Variants in PCBD2 observed in about 807,000 individuals in gnomAD.
PCBD2 encodes pterin-4 alpha-carbinolamine dehydratase 2, also known as pterin-4-alpha-carbinolamine dehydratase 2.
PCBD2 carries 12 observed loss-of-function variants against 16.4 expected under a neutral mutation model. The ratio of observed to expected loss-of-function variants is 0.73; its 90% CI spans 0.47 to 1.19. The LOEUF (loss-of-function observed/expected upper bound fraction) is 1.19, where lower values mean the gene tolerates loss of function less well. Among genes scored for constraint, PCBD2 ranks in the 50% most tolerant of loss-of-function variants. PCBD2 has a pLI of 0.00. For synonymous variants in PCBD2, 58 were observed against 61.8 expected (o/e 0.94, Z 0.29); for missense variants, 138 against 156.8 (o/e 0.88, Z 0.64).
At chr5:134,924,039 A>G (rs1750946953) in intron 2 of PCBD2, 8 of 395,628 alleles carry the variant, frequency 2.0e-5, no homozygotes, top group Non-Finnish European at 2.2e-5. Context: ...AATTTTGCGT[A>G]TTGGGGTCAT....
intron 2 of PCBD2, among the ~76,000 whole-genome samples, chr5:134,958,168 T>C (rs1044665040): frequency 2.6e-5 from 4 of 152,246 alleles, no homozygotes; most frequent in African/African-American, 9.6e-5. Flanking sequence ...TTACCAAGTA[T>C]TTGTGCATTC....
At position 134,921,857 on chromosome 5, in the gene PCBD2, C is replaced by A. The variant is rs138800991; in HGVS notation, c.216+11391C>A. Among the ~76,000 whole-genome samples, 234 of 152,314 alleles carry A rather than the reference C, an allele frequency of 1.5e-3. 1 individual carries two copies. The highest frequency in any genetic ancestry group is 5.4e-3 in the African/African-American group (225 of 41,570). ...ACATGTTACCTTTAGGCTCTTCCTG[C>A]TTCCACTGGCCTGCGTGCCACTTTG... is the stretch of plus-strand genomic sequence containing the variant. On this transcript the variant is annotated intron_variant, in intron 2 of 3. Coordinates refer to ENST00000254908, the MANE Select transcript of PCBD2 (RefSeq NM_032151.5).
intron 2 of PCBD2, among the ~76,000 whole-genome samples, chr5:134,945,765 C>T (rs1235357477): frequency 6.6e-6 from 1 of 152,118 alleles, no homozygotes; most frequent in African/African-American, 2.4e-5. Flanking sequence ...TTCAGTGTCC[C>T]AAAGAAGCAC....
At chr5:134,915,228 T>A (rs1234132934) in intron 2 of PCBD2, among the ~76,000 whole-genome samples, 2 of 151,616 alleles carry the variant, frequency 1.3e-5, no homozygotes, top group Non-Finnish European at 2.9e-5. Flanking sequence ...GGGAGGAGAA[T>A]CGCTTGAACC....
chr5:134,952,719 T>A lies in PCBD2; in HGVS notation c.217-6321T>A, dbSNP rs1751371904. ...ACTTGGGAGGCTGAGATAGGATGGA[T>A]CCCGTGAGCCCAGGAGTTCAAGGTT... On this transcript the variant is annotated intron_variant, in intron 2 of 3. Coordinates refer to ENST00000254908, the MANE Select transcript of PCBD2 (RefSeq NM_032151.5). 2.6e-5 allele frequency among the ~76,000 whole-genome samples: 4 copies of A among 151,852 alleles called. No individual in the cohort carries two copies. In the South Asian group the frequency reaches 8.3e-4, roughly 32 times the overall value.
rs1751489447 is a variant in PCBD2 at position 134,962,460 on chromosome 5, C to G, written c.*1779C>G. 6.6e-6 allele frequency among the ~76,000 whole-genome samples: 1 copy of G among 151,518 alleles called. No individual in the cohort carries two copies. The highest frequency in any genetic ancestry group is 6.6e-5 in the Admixed American group (1 of 15,230). ...ACAAGATGGAGTCTCACTATGTTGC[C>G]CAGGCTGGTCTTGAATGCCTGGGCT... On this transcript the variant is annotated 3_prime_UTR_variant, in exon 4 of 4. Coordinates refer to ENST00000254908, the MANE Select transcript of PCBD2 (RefSeq NM_032151.5).
At chr5:134,937,601 C>G (rs1317979765) in intron 2 of PCBD2, among the ~76,000 whole-genome samples, 2 of 152,228 alleles carry the variant, frequency 1.3e-5, no homozygotes, top group African/African-American at 4.8e-5. Flanking sequence ...GTTCCGGGCT[C>G]TAATGCACAC....
Position 134,923,327 on chromosome 5 carries a change from C to T in PCBD2, c.216+12861C>T, listed in dbSNP as rs76703312. On this transcript the variant is annotated intron_variant, in intron 2 of 3. Coordinates refer to ENST00000254908, the MANE Select transcript of PCBD2 (RefSeq NM_032151.5). ...CTAACCATGGTGAGAATAGTGTTAA[C>T]GTCATTAGGGTGAGAAGAAAGAGAA... is the stretch of plus-strand genomic sequence containing the variant. The T allele has an allele frequency of 1.5e-4, 24 of 161,102 alleles. No individual in the cohort carries two copies. The South Asian group carries it at 4.2e-3, about 29-fold the overall frequency. 10.0% of individuals were successfully genotyped at this position (161,102 alleles called of 1,614,324 possible). A position where few individuals can be genotyped will look rare whatever the true frequency, so the allele number is the denominator to read the frequency against.
chr5:134,933,213 T>A (rs1023799886), intron 2 of PCBD2, among the ~76,000 whole-genome samples: 1 of 152,188 alleles, frequency 6.6e-6, no homozygotes, highest in Non-Finnish European at 1.5e-5. Context: ...TATTTTCACA[T>A]CAGTAAAATA....
chr5:134,931,062 C>T (rs535443564), intron 2 of PCBD2, among the ~76,000 whole-genome samples: 97 of 152,170 alleles, frequency 6.4e-4, no homozygotes, highest in African/African-American at 2.3e-3. Context: ...GGACTACAGG[C>T]ACCCACCACC....
chr5:134,910,332 T>C lies in PCBD2; in HGVS notation c.85-3T>C, dbSNP rs749502461. The C allele has an allele frequency of 6.2e-6, 10 of 1,613,204 alleles. No homozygotes were observed. Among genetic ancestry groups the C allele is most frequent in the Non-Finnish European group, 8.5e-6 (10 of 1,179,640 alleles). Reference sequence around the variant, plus strand: ...TCAGATATGAAATGTGTTCTCTTCATAGTCATCAGGTACTCACAGGTTGAC... The same window carrying C: ...TCAGATATGAAATGTGTTCTCTTCACAGTCATCAGGTACTCACAGGTTGAC... On this transcript the variant is annotated splice_polypyrimidine_tract_variant and splice_region_variant and intron_variant, in intron 1 of 3. Coordinates refer to ENST00000254908, the MANE Select transcript of PCBD2 (RefSeq NM_032151.5).
At chr5:134,938,674 G>A (rs542709764) in intron 2 of PCBD2, among the ~76,000 whole-genome samples, 3 of 152,172 alleles carry the variant, frequency 2.0e-5, no homozygotes, top group Non-Finnish European at 4.4e-5. Flanking sequence ...AGGAGGCTGT[G>A]AAGTTAGGAA....
rs1444693751 is a variant in PCBD2 at position 134,952,163 on chromosome 5, T to G, written c.217-6877T>G. On this transcript the variant is annotated intron_variant, in intron 2 of 3. Coordinates refer to ENST00000254908, the MANE Select transcript of PCBD2 (RefSeq NM_032151.5). ...GTATGAGAAGCTGTTGACTTTTTTT[T>G]TTTTTTTGTCTTATTCTTGACTTTA... is the stretch of plus-strand genomic sequence containing the variant. Among the ~76,000 whole-genome samples the G allele has an allele frequency of 2.6e-5, 4 of 152,086 alleles. No individual in the cohort carries two copies. In the East Asian group the frequency reaches 7.7e-4, roughly 29 times the overall value.
chr5:134,952,944 T>C (rs1398449953), intron 2 of PCBD2, among the ~76,000 whole-genome samples: 2 of 152,074 alleles, frequency 1.3e-5, no homozygotes, highest in East Asian at 3.8e-4. Flanking sequence ...TCTTCATTGG[T>C]GGATGCAAAT....
In PCBD2 at chr5:134,930,815, A is replaced by G. The variant is rs548237453; in HGVS notation, c.216+20349A>G. Among the ~76,000 whole-genome samples the G allele has an allele frequency of 1.1e-4, 17 of 152,340 alleles. No homozygotes were observed. The South Asian group carries it at 3.5e-3, about 32-fold the overall frequency. ...CCACAGGCCTGTTCGCTGGCTATCC[A>G]TTAGGCATTCATTTCTGTTTCAAGA... On this transcript the variant is annotated intron_variant, in intron 2 of 3. Transcript: ENST00000254908.
chr5:134,922,026 T>G (rs1750909186), intron 2 of PCBD2, among the ~76,000 whole-genome samples: 1 of 152,194 alleles, frequency 6.6e-6, no homozygotes, highest in South Asian at 2.1e-4. Context: ...AAGAAGCCTC[T>G]TTGCTCAGAG....
chr5:134,930,940 C>T (rs1243442937), intron 2 of PCBD2, among the ~76,000 whole-genome samples: 1 of 152,092 alleles, frequency 6.6e-6, no homozygotes, highest in East Asian at 1.9e-4. Context: ...TTTTTTGAGA[C>T]AGAGTCTTGC....
At chr5:134,943,713 G>A (rs554063228) in intron 2 of PCBD2, among the ~76,000 whole-genome samples, 3 of 152,168 alleles carry the variant, frequency 2.0e-5, no homozygotes, top group Admixed American at 6.5e-5. Flanking sequence ...TTCTGGGACC[G>A]GTAGGAATGC....
chr5:134,943,995 A>G (rs901806961), intron 2 of PCBD2, among the ~76,000 whole-genome samples: 3 of 152,216 alleles, frequency 2.0e-5, no homozygotes, highest in Non-Finnish European at 4.4e-5. Flanking sequence ...AGCTTTGAAA[A>G]TTCTCAGCAA....
Sources: allele counts gnomAD v4.1 joint callset (sites outside exome capture counted in the v4.1 genomes callset), GRCh38; gene constraint gnomAD v4.1.1; transcripts MANE v1.5; gene names NCBI Gene and HGNC (gene_info 2026-07-23, HGNC 2026-07-21).